COL5A1: variants seen among roughly 807,000 people sequenced by gnomAD.
The protein encoded by COL5A1 is collagen alpha-1(V) chain.
COL5A1 carries 16 observed loss-of-function variants against 263.7 expected under a neutral mutation model. The observed-to-expected ratio is 0.06, with a 90% CI of 0.04 to 0.09. COL5A1 has a LOEUF of 0.09. Among genes scored for constraint, COL5A1 ranks in the 10% least tolerant of loss-of-function variants. COL5A1 has a pLI of 1.00. For missense variants in COL5A1, 2,036 were observed against 2,540.5 expected, an observed-to-expected ratio of 0.80 and a Z score of 4.27; for synonymous variants, 1,012 against 1,004.5, an observed-to-expected ratio of 1.01 and a Z score of -0.14.
At chr9:134,728,096 G>A (rs1170585844) in intron 5 of COL5A1, among the ~76,000 whole-genome samples, 5 of 152,238 alleles carry the variant, frequency 3.3e-5, no homozygotes, top group African/African-American at 1.2e-4. Flanking sequence ...AAGAAGGAAG[G>A]GTAGCTTTCA....
intron 1 of COL5A1, among the ~76,000 whole-genome samples, chr9:134,670,228 C>A (rs1832498182): frequency 6.6e-6 from 1 of 152,236 alleles, no homozygotes; most frequent in African/African-American, 2.4e-5. Context: ...ATAAATGACA[C>A]TTGGATGAAC....
At chr9:134,707,621 C>T (rs947951898) in intron 4 of COL5A1, among the ~76,000 whole-genome samples, 1 of 152,130 alleles carries the variant, frequency 6.6e-6, no homozygotes, top group Non-Finnish European at 1.5e-5. Flanking sequence ...AGTGTTAGGG[C>T]CTCGAAGGGG....
chr9:134,776,040 A>G (rs1167542792), intron 27 of COL5A1, among the ~76,000 whole-genome samples: 1 of 152,156 alleles, frequency 6.6e-6, no homozygotes, highest in Non-Finnish European at 1.5e-5. Context: ...GCTGTCAGAA[A>G]TCAAACCAGG....
At chr9:134,767,254 G>T in intron 23 of COL5A1, 56 bp from the exon 24 acceptor site, 1 of 1,572,248 alleles carries the variant, frequency 6.4e-7, no homozygotes. Context: ...GGCAGGGGAG[G>T]GTTCTGAGTC....
Position 134,835,046 on chromosome 9 carries a change from G to A in COL5A1, c.5212G>A (p.Ala1738Thr). 6.2e-7 allele frequency: 1 copy of A among 1,613,480 alleles called. No individual in the cohort carries two copies. Among genetic ancestry groups the A allele is most frequent in the Non-Finnish European group, 8.5e-7 (1 of 1,180,022 alleles). Reference protein sequence around the residue: ...MTFLRLLSASAHQNVTYHCYQ... With the variant: ...MTFLRLLSASTHQNVTYHCYQ... The stretch of plus-strand genomic sequence containing the variant: ...CTTCCTGCGGCTGCTGAGCGCCTCT[G>A]CCCACCAGAACGTCACCTACCACTG... The change falls in exon 65 of 66, where the codon GCC (alanine) becomes ACC (threonine). Residue 1738 changes from alanine to threonine, a missense_variant. Ala to Thr is a moderately conservative substitution (Grantham distance 58). Around this residue, in one of 3 missense-constraint regions of COL5A1, gnomAD observed 358 missense variants for 384.6 expected, o/e 0.93. Transcript: ENST00000371817.
chr9:134,699,212 G>A, intron 2 of COL5A1, among the ~76,000 whole-genome samples: 1 of 152,218 alleles, frequency 6.6e-6, no homozygotes, highest in South Asian at 2.1e-4. Context: ...TTGTGGCCGG[G>A]CCAGCCTGGG....
In COL5A1 at chr9:134,775,703, C is replaced by T. The variant is rs138927545; in HGVS notation, c.2385+791C>T. 2.0e-4 allele frequency among the ~76,000 whole-genome samples: 31 copies of T among 152,308 alleles called. No homozygotes were observed. The East Asian group carries it at 5.8e-3, about 28-fold the overall frequency. ...GGGGACTTGCGGTATCTTAAAGGCT[C>T]ATGATGATTCTTTCCTTCAAGATGC... On this transcript the variant is annotated intron_variant, in intron 27 of 65. Coordinates refer to ENST00000371817, the MANE Select transcript of COL5A1 (RefSeq NM_000093.5).
intron 36 of COL5A1, 52 bp from the exon 37 acceptor site, chr9:134,798,356 T>C: frequency 6.5e-7 from 1 of 1,533,248 alleles, no homozygotes; most frequent in Middle Eastern, 1.7e-4. Context: ...TTCTCAAAGG[T>C]GGTTGCTTCT....
chr9:134,812,547 A>ATGT, intron 47 of COL5A1, 45 bp downstream of exon 47: 1 of 1,611,212 alleles, frequency 6.2e-7, no homozygotes. Context: ...CTAGCGGCTC[A>ATGT]TGTTTTGGGG....
At chr9:134,749,658 C>G (rs1185910218) in intron 11 of COL5A1, among the ~76,000 whole-genome samples, 2 of 152,174 alleles carry the variant, frequency 1.3e-5, no homozygotes, top group Non-Finnish European at 2.9e-5. Flanking sequence ...ATTCGGAAGA[C>G]TGCAGCCAGC....
rs1836085353 is a variant in COL5A1, at chr9:134,758,731, G to A, written c.1935+435G>A. Among the ~76,000 whole-genome samples, 1 of 152,136 alleles carries A rather than the reference G, an allele frequency of 6.6e-6. No homozygotes were observed. ...GGGGACAATCTCAAGTGGCCATGTG[G>A]AGACCAGGTCACGAAAACATGCCAG... On this transcript the variant is annotated intron_variant, in intron 18 of 65. Transcript: ENST00000371817. This position sits in a 1 kb window ranked among gnomAD's most constrained non-coding sequence, Gnocchi z 4.1.
chr9:134,737,287 C>T (rs545246027), intron 9 of COL5A1, among the ~76,000 whole-genome samples: 115 of 152,334 alleles, frequency 7.5e-4, no homozygotes, highest in African/African-American at 2.7e-3. Flanking sequence ...TCGCCGAGGC[C>T]ACACCCACAC....
At chr9:134,808,360 C>CTTAA (rs1838371227) in intron 42 of COL5A1, among the ~76,000 whole-genome samples, 1 of 152,078 alleles carries the variant, frequency 6.6e-6, no homozygotes, top group Non-Finnish European at 1.5e-5. Context: ...AAAGCAAGAA[C>CTTAA]TTAAGAAGGA....
chr9:134,835,232 C>T, intron 65 of COL5A1, 28 bp downstream of exon 65: 1 of 1,591,542 alleles, frequency 6.3e-7, no homozygotes. Context: ...CGCCCAGCAC[C>T]CCTGCTCACG....
chr9:134,710,132 T>C (rs1195737311), intron 4 of COL5A1, among the ~76,000 whole-genome samples: 1 of 152,182 alleles, frequency 6.6e-6, no homozygotes, highest in Non-Finnish European at 1.5e-5. Context: ...TGAACCTCAG[T>C]TTCCTCAGCT....
intron 42 of COL5A1, chr9:134,808,835 T>C (rs966306560): frequency 3.2e-5 from 11 of 348,572 alleles, no homozygotes; most frequent in African/African-American, 2.3e-4. Context: ...TGGCTCCCGG[T>C]CACTAGCTTA....
intron 65 of COL5A1, among the ~76,000 whole-genome samples, chr9:134,837,894 CAG>C (rs911686489): frequency 6.6e-6 from 1 of 152,208 alleles, no homozygotes; most frequent in African/African-American, 2.4e-5. Context: ...CCAGGTGTGA[CAG>C]AGCTGAGGCT....
rs541927655 is a variant in COL5A1, at chr9:134,773,021, C to T, written c.2331+187C>T. Reference sequence around the variant, plus strand: ...GGACACAGGCCTTTTCCCCAAGAAGCGGGGCACCCCTCTCTGGGTCAGTGC... The same window carrying T: ...GGACACAGGCCTTTTCCCCAAGAAGTGGGGCACCCCTCTCTGGGTCAGTGC... On this transcript the variant is annotated intron_variant, in intron 26 of 65. Transcript: ENST00000371817. 4.5e-4 allele frequency among the ~76,000 whole-genome samples: 68 copies of T among 152,086 alleles called. 1 individual carries two copies. Among genetic ancestry groups the T allele is most frequent in the African/African-American group, 1.6e-3 (65 of 41,496 alleles).
At chr9:134,730,185 C>T in intron 6 of COL5A1, 51 bp from the exon 7 acceptor site, 1 of 1,606,428 alleles carries the variant, frequency 6.2e-7, no homozygotes, top group Non-Finnish European at 8.5e-7. Context: ...AGACCTGGCA[C>T]CACTGCCGGC....
Sources: allele counts gnomAD v4.1 joint callset (sites outside exome capture counted in the v4.1 genomes callset), GRCh38; gene constraint gnomAD v4.1.1; regional missense constraint gnomAD v4.1.1; non-coding constraint Gnocchi (gnomAD v3.1); transcripts MANE v1.5; gene names NCBI Gene and HGNC (gene_info 2026-07-23, HGNC 2026-07-21).